Variants in KIAA0825 observed in about 807,000 individuals in gnomAD.
KIAA0825 encodes uncharacterized protein KIAA0825.
Under a neutral mutation model 147.6 loss-of-function variants are expected in KIAA0825, and 119 were observed. The ratio of observed to expected loss-of-function variants is 0.81; its 90% CI spans 0.69 to 0.94. The LOEUF (loss-of-function observed/expected upper bound fraction) is 0.94. Ranked by LOEUF, KIAA0825 falls within the 40% of genes least tolerant of loss-of-function variation. The pLI is 0.00. For missense variants in KIAA0825, 1,381 were observed against 1,472.7 expected (o/e 0.94, Z 1.02); for synonymous variants, 470 against 518.1 (o/e 0.91, Z 1.26).
At chr5:94,574,210 G>A (rs1335451551) in intron 2 of KIAA0825, among the ~76,000 whole-genome samples, 1 of 152,086 alleles carries the variant, frequency 6.6e-6, no homozygotes, top group Non-Finnish European at 1.5e-5. Flanking sequence ...ACTATACATA[G>A]GTTCAAGCCC....
chr5:94,287,927 C>T (rs190852049), intron 20 of KIAA0825, among the ~76,000 whole-genome samples: 2 of 152,044 alleles, frequency 1.3e-5, no homozygotes, highest in African/African-American at 4.8e-5. Flanking sequence ...GCTCTTGGGG[C>T]ACTAGAACAG....
chr5:94,314,501 T>C (rs1420797187), intron 20 of KIAA0825, among the ~76,000 whole-genome samples: 1 of 151,668 alleles, frequency 6.6e-6, no homozygotes, highest in Non-Finnish European at 1.5e-5. Flanking sequence ...AGGAGTTGCA[T>C]GCAAATTTAG....
chr5:94,358,344 A>T (rs1744594392), intron 20 of KIAA0825, among the ~76,000 whole-genome samples: 1 of 152,206 alleles, frequency 6.6e-6, no homozygotes. Flanking sequence ...GAGAGGATAA[A>T]CCAAAGGTCT....
intron 20 of KIAA0825, among the ~76,000 whole-genome samples, chr5:94,291,388 G>A (rs1025854046): frequency 6.6e-6 from 1 of 152,078 alleles, no homozygotes; most frequent in Non-Finnish European, 1.5e-5. Flanking sequence ...CCCATTGCTT[G>A]TTTTTTGTCA....
rs989395811 is a variant in KIAA0825 at position 94,151,273 on chromosome 5, C to T, written c.*2734G>A. Among the ~76,000 whole-genome samples, 24 of 150,608 alleles carry T rather than the reference C, an allele frequency of 1.6e-4. No individual in the cohort carries two copies. Among genetic ancestry groups the T allele is most frequent in the African/African-American group, 5.6e-4 (23 of 41,036 alleles). On this transcript the variant is annotated 3_prime_UTR_variant, in exon 21 of 21. Transcript: ENST00000682413. ...TCTACTAAAAATACAAAAAAGTAGC[C>T]GGGCGCGGTGGCGGGCGCCTGTAGT...
intron 20 of KIAA0825, among the ~76,000 whole-genome samples, chr5:94,346,676 T>C (rs1783033221): frequency 6.6e-6 from 1 of 152,144 alleles, no homozygotes; most frequent in Non-Finnish European, 1.5e-5. Context: ...TGGGAGCTTG[T>C]TGGGTCCCCT....
intron 14 of KIAA0825, among the ~76,000 whole-genome samples, chr5:94,418,699 G>A (rs1420091021): frequency 1.3e-5 from 2 of 152,080 alleles, no homozygotes; most frequent in Non-Finnish European, 2.9e-5. Context: ...CCAGTAGAAA[G>A]TAGGCTGAAA....
intron 20 of KIAA0825, among the ~76,000 whole-genome samples, chr5:94,221,291 G>A (rs1163768236): frequency 2.0e-5 from 3 of 152,116 alleles, no homozygotes; most frequent in African/African-American, 7.2e-5. Flanking sequence ...CACTTGACAA[G>A]TCATTCCTAT....
Position 94,537,092 on chromosome 5 carries a change from A to G in KIAA0825, c.35T>C (p.Phe12Ser), listed in dbSNP as rs746227253. 6.2e-7 allele frequency: 1 copy of G among 1,611,798 alleles called. No individual in the cohort carries two copies. The highest frequency in any genetic ancestry group is 2.2e-5 in the East Asian group (1 of 44,786). Reference protein sequence around the residue: ...DWDDEYSHNSFDLHCLLNSFP... With the variant: ...DWDDEYSHNSSDLHCLLNSFP... ...TGAGTTTAACAAACAATGTAGGTCA[A>G]AAGAATTATGAGAATATTCATCATC... The change falls in exon 3 of 21, where the codon TTT becomes TCT. Residue 12 changes from phenylalanine to serine, a missense_variant. Phe to Ser is a radical substitution (Grantham distance 155). Coordinates refer to ENST00000682413, the MANE Select transcript of KIAA0825 (RefSeq NM_001145678.3).
chr5:94,287,550 A>G lies in KIAA0825; in HGVS notation c.3710+96818T>C, dbSNP rs186284211. ...TCAGGACTTTCAAAACAATTATTGTATATTTATACAAGAGTCTTGTATATT... is the reference window on the plus strand; with the variant it reads ...TCAGGACTTTCAAAACAATTATTGTGTATTTATACAAGAGTCTTGTATATT... On this transcript the variant is annotated intron_variant, in intron 20 of 20. Transcript: ENST00000682413. Among the ~76,000 whole-genome samples, 7 of 152,302 alleles carry G rather than the reference A, an allele frequency of 4.6e-5. No homozygotes were observed. In the East Asian group the frequency reaches 1.4e-3, roughly 29 times the overall value.
chr5:94,453,268 G>C (rs1260088941), intron 12 of KIAA0825, among the ~76,000 whole-genome samples, 199 bp from the exon 13 acceptor site: 1 of 152,032 alleles, frequency 6.6e-6, no homozygotes, highest in South Asian at 2.1e-4. Context: ...TGCCTCCCAG[G>C]GTCAAGCGAT....
intron 20 of KIAA0825, among the ~76,000 whole-genome samples, chr5:94,205,579 CCA>C (rs1772120969): frequency 6.6e-6 from 1 of 152,112 alleles, no homozygotes; most frequent in South Asian, 2.1e-4. Context: ...GCGTGAGCCA[CCA>C]TGCCCGGCCC....
chr5:94,453,589 G>T (rs1317992801), intron 12 of KIAA0825, among the ~76,000 whole-genome samples: 1 of 151,900 alleles, frequency 6.6e-6, no homozygotes, highest in Non-Finnish European at 1.5e-5. Flanking sequence ...GGGCCAGGTG[G>T]GCAAGTCAGC....
At chr5:94,415,093 T>C (rs1206500562) in intron 15 of KIAA0825, 1 of 152,184 alleles carries the variant, frequency 6.6e-6, no homozygotes, top group Non-Finnish European at 1.5e-5. Context: ...TGGACAGTCT[T>C]AGGCAACTCT....
intron 1 of KIAA0825, among the ~76,000 whole-genome samples, chr5:94,599,691 T>G (rs1222125134): frequency 6.6e-6 from 1 of 152,132 alleles, no homozygotes; most frequent in Non-Finnish European, 1.5e-5. Flanking sequence ...CTGCTGTGTT[T>G]CAAAGATTAT....
At chr5:94,422,282 G>C (rs997201669) in intron 14 of KIAA0825, among the ~76,000 whole-genome samples, 2 of 152,098 alleles carry the variant, frequency 1.3e-5, no homozygotes, top group African/African-American at 4.8e-5. Flanking sequence ...AGAAAGAAAT[G>C]TCCTCCTCTC....
intron 20 of KIAA0825, among the ~76,000 whole-genome samples, chr5:94,188,644 G>T (rs898643490): frequency 6.6e-6 from 1 of 151,998 alleles, no homozygotes. Context: ...TGATAGTAGA[G>T]ATATATCACC....
intron 20 of KIAA0825, among the ~76,000 whole-genome samples, chr5:94,316,746 A>T (rs1779699990): frequency 6.6e-6 from 1 of 151,808 alleles, no homozygotes. Flanking sequence ...GCATCCTTTC[A>T]GAGTGATTAA....
chr5:94,285,772 T>C (rs1777643132), intron 20 of KIAA0825, among the ~76,000 whole-genome samples: 1 of 152,144 alleles, frequency 6.6e-6, no homozygotes, highest in South Asian at 2.1e-4. Context: ...AAGCTGATGG[T>C]ATCACTTTTG....
Sources: allele counts gnomAD v4.1 joint callset (sites outside exome capture counted in the v4.1 genomes callset), GRCh38; gene constraint gnomAD v4.1.1; transcripts MANE v1.5; gene names NCBI Gene and HGNC (gene_info 2026-07-23, HGNC 2026-07-21).